SLC14A2: variants seen among roughly 807,000 people sequenced by gnomAD.
SLC14A2 encodes solute carrier family 14 member 2.
In SLC14A2, 91 loss-of-function variants were observed where a neutral mutation model predicts 104.6. The ratio of observed to expected loss-of-function variants is 0.87; its 90% CI spans 0.73 to 1.04. The LOEUF (loss-of-function observed/expected upper bound fraction) is 1.04. Among genes scored for constraint, SLC14A2 ranks in the 50% least tolerant of loss-of-function variants. The pLI is 0.00. For missense variants in SLC14A2, 1,189 were observed against 1,156.0 expected (o/e 1.03, Z -0.41); for synonymous variants, 476 against 466.4 (o/e 1.02, Z -0.27).
In SLC14A2 at chr18:45,667,005, G is replaced by A. The variant is rs751258587; in HGVS notation, c.1628G>A (p.Arg543Gln). The A allele has an allele frequency of 4.3e-6, 7 of 1,613,736 alleles. No individual in the cohort carries two copies. The highest frequency in any genetic ancestry group is 2.7e-5 in the African/African-American group (2 of 74,884). The change falls in exon 13 of 20, where the codon CGG becomes CAG. Residue 543 changes from arginine (R) to glutamine (Q), a missense_variant. Arg to Gln is a conservative substitution (Grantham distance 43). Coordinates refer to ENST00000255226, the MANE Select transcript of SLC14A2 (RefSeq NM_007163.4). ...AACATTTCCAAGACATCCTGGATTC[G>A]GAGTTCCATGGCTGCCAGTGGGAAA... is the stretch of plus-strand genomic sequence containing the variant. ...ETNISKTSWI[R>Q]SSMAASGKRV...
At position 45,631,151 on chromosome 18, in the gene SLC14A2, C is replaced by T. The variant is rs187449872; in HGVS notation, c.522-1199C>T. Among the ~76,000 whole-genome samples the T allele has an allele frequency of 1.1e-3, 172 of 152,332 alleles. 2 individuals are homozygous for T. The highest frequency in any genetic ancestry group is 3.5e-3 in the African/African-American group (144 of 41,584). On this transcript the variant is annotated intron_variant, in intron 4 of 19. Transcript: ENST00000255226. Reference sequence around the variant, plus strand: ...AGCCAACACATGGTAAGGTTTAGCACGCCCACATTATTCATTCAACAAATA... The same window carrying T: ...AGCCAACACATGGTAAGGTTTAGCATGCCCACATTATTCATTCAACAAATA...
At chr18:45,568,824 T>C (rs1299325595) in intron 2 of SLC14A2, among the ~76,000 whole-genome samples, 1 of 152,062 alleles carries the variant, frequency 6.6e-6, no homozygotes, top group African/African-American at 2.4e-5. Flanking sequence ...ACCTAACCTA[T>C]CCTGACTGAT....
At chr18:45,467,503 T>C (rs2087166160) in intron 1 of SLC14A2, among the ~76,000 whole-genome samples, 1 of 152,186 alleles carries the variant, frequency 6.6e-6, no homozygotes, top group African/African-American at 2.4e-5. Context: ...CTGGTCTGGC[T>C]TGGGTCACGT....
chr18:45,213,887 G>A (rs532136649), intron 1 of SLC14A2, among the ~76,000 whole-genome samples: 2 of 152,144 alleles, frequency 1.3e-5, no homozygotes, highest in African/African-American at 2.4e-5. Context: ...GCCCAGGGAC[G>A]TTTGGACTGA....
At chr18:45,454,698 G>A (rs1598844107) in intron 1 of SLC14A2, among the ~76,000 whole-genome samples, 1 of 152,126 alleles carries the variant, frequency 6.6e-6, no homozygotes, top group Non-Finnish European at 1.5e-5. Context: ...TACGGAAGGG[G>A]TCCAGTTTCA....
chr18:45,381,593 GT>G (rs2085835811), intron 1 of SLC14A2, among the ~76,000 whole-genome samples: 1 of 152,214 alleles, frequency 6.6e-6, no homozygotes, highest in Admixed American at 6.5e-5. Context: ...CTTGGGCATA[GT>G]TTTTGTTGAT....
At chr18:45,630,067 C>A (rs1333967443) in intron 4 of SLC14A2, among the ~76,000 whole-genome samples, 1 of 152,208 alleles carries the variant, frequency 6.6e-6, no homozygotes, top group African/African-American at 2.4e-5. Flanking sequence ...GAACACATCC[C>A]AGTACTAGAT....
intron 1 of SLC14A2, among the ~76,000 whole-genome samples, chr18:45,228,658 A>C (rs1422011247): frequency 1.3e-5 from 2 of 152,160 alleles, no homozygotes; most frequent in African/African-American, 4.8e-5. Flanking sequence ...ACCTGCAGGG[A>C]AACTAAAAGT....
At chr18:45,196,199 A>T in the SLC14A2 span, among the ~76,000 whole-genome samples, 1 of 152,210 alleles carries the variant, frequency 6.6e-6, no homozygotes, top group Non-Finnish European at 1.5e-5. Context: ...CAGTATGTAC[A>T]CAGAAATATT....
At chr18:45,609,456 T>C (rs2044932953) in intron 2 of SLC14A2, among the ~76,000 whole-genome samples, 2 of 152,298 alleles carry the variant, frequency 1.3e-5, no homozygotes, top group South Asian at 4.1e-4. Flanking sequence ...TAATGCACAG[T>C]TATTATTCAA....
At chr18:45,534,607 G>A (rs2043752554) in intron 2 of SLC14A2, among the ~76,000 whole-genome samples, 1 of 152,122 alleles carries the variant, frequency 6.6e-6, no homozygotes, top group African/African-American at 2.4e-5. Flanking sequence ...AAACTTTAGA[G>A]TTCATCTGGT....
intron 1 of SLC14A2, among the ~76,000 whole-genome samples, chr18:45,247,856 G>T (rs997483568): frequency 2.6e-5 from 4 of 152,254 alleles, no homozygotes; most frequent in Admixed American, 6.5e-5. Flanking sequence ...CTATGTAGGA[G>T]AGAATGGAGC....
At chr18:45,472,748 T>G (rs1166687109) in intron 1 of SLC14A2, among the ~76,000 whole-genome samples, 5 of 152,208 alleles carry the variant, frequency 3.3e-5, no homozygotes, top group African/African-American at 1.2e-4. Context: ...CTTAATTTGT[T>G]TAAGTTTCTT....
chr18:45,195,246 A>T, the SLC14A2 span, among the ~76,000 whole-genome samples: 1 of 152,324 alleles, frequency 6.6e-6, no homozygotes, highest in African/African-American at 2.4e-5. Flanking sequence ...CCTTAGCCAC[A>T]ATCCAGGACG....
chr18:45,183,075 T>C, the SLC14A2 span, among the ~76,000 whole-genome samples: 2 of 152,166 alleles, frequency 1.3e-5, no homozygotes, highest in East Asian at 3.8e-4. Context: ...GATTTGGAAA[T>C]GTAGTTCCTG....
At chr18:45,530,197 C>T (rs796094212) in intron 2 of SLC14A2, among the ~76,000 whole-genome samples, 31 of 152,164 alleles carry the variant, frequency 2.0e-4, no homozygotes, top group African/African-American at 7.0e-4. Flanking sequence ...GTACTTGGGA[C>T]GTTGAATACA....
chr18:45,570,579 T>C (rs1293731668), intron 2 of SLC14A2, among the ~76,000 whole-genome samples: 1 of 152,232 alleles, frequency 6.6e-6, no homozygotes, highest in Admixed American at 6.5e-5. Flanking sequence ...ACAATTTACA[T>C]AGGATGTTGA....
rs2084250858 is a variant in SLC14A2 at position 45,236,486 on chromosome 18, T to C, written c.-125+23295T>C. Among the ~76,000 whole-genome samples, 2 of 95,298 alleles carry C rather than the reference T, an allele frequency of 2.1e-5. 1 individual carries two copies. Among genetic ancestry groups the C allele is most frequent in the Non-Finnish European group, 4.1e-5 (2 of 49,306 alleles). 62.5% of individuals were successfully genotyped at this position (95,298 alleles called of 152,430 possible). On this transcript the variant is annotated intron_variant, in intron 1 of 20. Transcript: ENST00000586448. ...GTGTATATATACATGTATGTGTGTA[T>C]ATATGTGTATATATACATGTATGTG...
intron 1 of SLC14A2, among the ~76,000 whole-genome samples, chr18:45,216,714 A>AG (rs2084014391): frequency 8.3e-6 from 1 of 120,780 alleles, no homozygotes; most frequent in South Asian, 2.7e-4. Flanking sequence ...TCTTGGACAT[A>AG]GGGGGGCCGA....
Sources: allele counts gnomAD v4.1 joint callset (sites outside exome capture counted in the v4.1 genomes callset), GRCh38; gene constraint gnomAD v4.1.1; transcripts MANE v1.5; gene names NCBI Gene and HGNC (gene_info 2026-07-23, HGNC 2026-07-21).